Variants in TMCC2 observed in about 807,000 individuals in gnomAD.
TMCC2 encodes transmembrane and coiled-coil domain family 2.
A neutral mutation model predicts 49.4 loss-of-function variants in TMCC2; 16 were observed. That is an observed-to-expected ratio of 0.32 (90% CI 0.22 to 0.49). The LOEUF (loss-of-function observed/expected upper bound fraction) is 0.49. Among genes scored for constraint, TMCC2 ranks in the 20% least tolerant of loss-of-function variants. TMCC2 has a pLI of 0.99. For missense variants in TMCC2, 762 were observed against 989.8 expected (o/e 0.77, Z 3.09); for synonymous variants, 397 against 434.1 (o/e 0.91, Z 1.06).
chr1:205,272,814 G>GA lies in TMCC2; in HGVS notation c.*693dup, dbSNP rs1471758044. ...CTGTACTGGATCTGTTATTTTCAGG[G>GA]AAACAGGCCCCAGGGCCCCCCTGAG... On this transcript the variant is annotated 3_prime_UTR_variant, in exon 5 of 5. Coordinates refer to ENST00000358024, the MANE Select transcript of TMCC2 (RefSeq NM_014858.4). The GA allele has an allele frequency of 6.5e-6, 1 of 152,822 alleles. No individual in the cohort carries two copies. The highest frequency in any genetic ancestry group is 1.5e-5 in the Non-Finnish European group (1 of 68,186). 9.5% of individuals were successfully genotyped at this position (152,822 alleles called of 1,614,324 possible). A position where few individuals can be genotyped will look rare whatever the true frequency, so the allele number is the denominator to read the frequency against.
intron 2 of TMCC2, among the ~76,000 whole-genome samples, chr1:205,258,155 A>G (rs573079244): frequency 3.9e-5 from 6 of 152,206 alleles, no homozygotes; most frequent in African/African-American, 1.4e-4. Flanking sequence ...GTGTCAGCTG[A>G]TAATAGGCAG....
intron 2 of TMCC2, among the ~76,000 whole-genome samples, chr1:205,262,552 G>C (rs112925007): frequency 3.3e-4 from 50 of 152,320 alleles, no homozygotes; most frequent in Middle Eastern, 3.4e-3. Context: ...GGGGAAGGAT[G>C]GGGGGATGTC....
chr1:205,233,817 A>G (rs1034474191), intron 1 of TMCC2: 1 of 150,642 alleles, frequency 6.6e-6, no homozygotes, highest in African/African-American at 2.4e-5. Flanking sequence ...ATATTTTTTC[A>G]AGGCTCAGGG....
chr1:205,243,876 G>C (rs1004352439), intron 2 of TMCC2, among the ~76,000 whole-genome samples: 1 of 152,222 alleles, frequency 6.6e-6, no homozygotes, highest in Non-Finnish European at 1.5e-5. Context: ...CGAATGAGAA[G>C]GAGGCTGTGG....
At position 205,242,044 on chromosome 1, in the gene TMCC2, G is replaced by A. The variant is rs1260157986; in HGVS notation, c.747G>A (p.Lys249=). The A allele has an allele frequency of 6.4e-7, 1 of 1,573,476 alleles. No individual in the cohort carries two copies. ...LAEEAEGIGD[K]VDKGDLVALS... ...AGGAGGCCGAAGGCATCGGGGACAA[G>A]GTGAGATGGGCCTTCTGGGGCAGGG... The change falls in exon 2 of 5, where the codon AAG becomes AAA. Residue 249 remains lysine, a splice_region_variant and synonymous_variant. Coordinates refer to ENST00000358024, the MANE Select transcript of TMCC2 (RefSeq NM_014858.4).
chr1:205,245,827 T>TA (rs1273479481), intron 2 of TMCC2, among the ~76,000 whole-genome samples: 1 of 151,670 alleles, frequency 6.6e-6, no homozygotes, highest in Non-Finnish European at 1.5e-5. Context: ...GAGAGAGTCT[T>TA]ACTTTGTCAT....
chr1:205,271,495 CCCCCA>C, intron 4 of TMCC2: 1 of 690,688 alleles, frequency 1.4e-6, no homozygotes, highest in Non-Finnish European at 2.4e-6. Flanking sequence ...GCCACCATGC[CCCCCA>C]CCTCTTTGAT....
chr1:205,246,386 T>G, intron 2 of TMCC2: 1 of 851,686 alleles, frequency 1.2e-6, no homozygotes, highest in Non-Finnish European at 1.6e-6. Context: ...CACGTGGAAA[T>G]GCCAAATAAG....
intron 1 of TMCC2, among the ~76,000 whole-genome samples, chr1:205,232,785 A>G (rs1659851517): frequency 6.6e-6 from 1 of 151,846 alleles, no homozygotes; most frequent in South Asian, 2.1e-4. Context: ...AAATACAAAA[A>G]TTAGCCAAGT....
chr1:205,229,345 C>A (rs1038802607), intron 1 of TMCC2, among the ~76,000 whole-genome samples: 5 of 151,996 alleles, frequency 3.3e-5, no homozygotes, highest in African/African-American at 1.2e-4. Flanking sequence ...CCCGCCACCA[C>A]GCCCGGGTAA....
intron 2 of TMCC2, among the ~76,000 whole-genome samples, chr1:205,255,511 C>T (rs565509956): frequency 2.3e-4 from 35 of 152,168 alleles, no homozygotes; most frequent in African/African-American, 7.7e-4. Context: ...GCCAAGATCG[C>T]GTCAATGCAT....
In TMCC2 at chr1:205,228,020, CGGGCCGGGGAGG is replaced by C. The variant is rs1361449385; in HGVS notation, c.-536_-525del. On this transcript the variant is annotated 5_prime_UTR_variant, in exon 1 of 5. Coordinates refer to ENST00000358024, the MANE Select transcript of TMCC2 (RefSeq NM_014858.4). Reference sequence around the variant, plus strand: ...CGCGTCAGGCGGGGAGCGGGGCGCGCGGGCCGGGGAGGGGGCCGGGCGCGCTGCGGGCTCCGC... The same window carrying C: ...CGCGTCAGGCGGGGAGCGGGGCGCGCGGGCCGGGCGCGCTGCGGGCTCCGC... Among the ~76,000 whole-genome samples, 4 of 147,244 alleles carry C rather than the reference CGGGCCGGGGAGG, an allele frequency of 2.7e-5. No homozygotes were observed. The highest frequency in any genetic ancestry group is 6.0e-5 in the Non-Finnish European group (4 of 66,162).
At chr1:205,245,936 C>T (rs921555037) in intron 2 of TMCC2, among the ~76,000 whole-genome samples, 10 of 151,856 alleles carry the variant, frequency 6.6e-5, no homozygotes, top group South Asian at 2.1e-4. Flanking sequence ...CCACCTCGCC[C>T]GGCTAATTTT....
At chr1:205,244,366 C>A (rs1274634017) in intron 2 of TMCC2, among the ~76,000 whole-genome samples, 1 of 152,118 alleles carries the variant, frequency 6.6e-6, no homozygotes, top group African/African-American at 2.4e-5. Context: ...TCAGCATCGT[C>A]CTTGGTCACA....
chr1:205,237,119 A>G (rs1397133722), intron 1 of TMCC2, among the ~76,000 whole-genome samples: 1 of 151,938 alleles, frequency 6.6e-6, no homozygotes, highest in African/African-American at 2.4e-5. Flanking sequence ...TCCAGTAGAA[A>G]CTCCAAGTGG....
At chr1:205,263,754 C>A (rs1247660175) in intron 2 of TMCC2, among the ~76,000 whole-genome samples, 1 of 152,182 alleles carries the variant, frequency 6.6e-6, no homozygotes, top group Non-Finnish European at 1.5e-5. Context: ...ATTCCAGTTT[C>A]ATCGCTGTGG....
In TMCC2 at chr1:205,272,429, C is replaced by A; in HGVS notation, c.*305C>A. ...TTACACAAGGACTTCTCCCAGCTGACCCTCAGGATGCCCCAAGTCAGGAAG... is the reference window on the plus strand; with the variant it reads ...TTACACAAGGACTTCTCCCAGCTGAACCTCAGGATGCCCCAAGTCAGGAAG... On this transcript the variant is annotated 3_prime_UTR_variant, in exon 5 of 5. Coordinates refer to ENST00000358024, the MANE Select transcript of TMCC2 (RefSeq NM_014858.4). The A allele has an allele frequency of 2.5e-6, 1 of 403,056 alleles. No homozygotes were observed. 25.0% of individuals were successfully genotyped at this position (403,056 alleles called of 1,614,324 possible). A position where few individuals can be genotyped will look rare whatever the true frequency, so the allele number is the denominator to read the frequency against.
chr1:205,272,004 C>A lies in TMCC2; in HGVS notation c.2010C>A (p.Pro670=). The change falls in exon 5 of 5, where the codon CCC becomes CCA. Residue 670 remains proline (P), a synonymous_variant. Transcript: ENST00000358024. Reference sequence around the variant, plus strand: ...CCACCATCGCCAACTTCATCACGCCCCTCATGAAGACACGCCTGCGCATCA... The same window carrying A: ...CCACCATCGCCAACTTCATCACGCCACTCATGAAGACACGCCTGCGCATCA... The part of the protein sequence containing the change: ...FVSTIANFIT[P]LMKTRLRITS... 6.2e-7 allele frequency: 1 copy of A among 1,614,220 alleles called. No homozygotes were observed. Among genetic ancestry groups the A allele is most frequent in the Non-Finnish European group, 8.5e-7 (1 of 1,180,038 alleles).
intron 2 of TMCC2, among the ~76,000 whole-genome samples, chr1:205,249,313 C>T (rs994796653): frequency 6.6e-6 from 1 of 152,222 alleles, no homozygotes; most frequent in Non-Finnish European, 1.5e-5. Flanking sequence ...TTCTTCTCTG[C>T]CCCAGCATAA....
Sources: gnomAD v4.1 joint callset for allele counts (sites outside exome capture counted in the v4.1 genomes callset) on GRCh38, gnomAD v4.1.1 for gene constraint, MANE v1.5 for transcripts, NCBI Gene and HGNC (gene_info 2026-07-23, HGNC 2026-07-21) for gene names.